PARD3: variants seen among roughly 807,000 people sequenced by gnomAD.
PARD3 encodes partitioning defective 3 homolog.
In PARD3, 75 loss-of-function variants were observed where a neutral mutation model predicts 155.4. That is an observed-to-expected ratio of 0.48 (90% CI 0.40 to 0.58). The LOEUF is 0.58. Ranked by LOEUF, PARD3 falls within the 20% of genes least tolerant of loss-of-function variation. PARD3 has a pLI of 0.00. For missense variants in PARD3, 1,642 were observed against 1,721.7 expected (o/e 0.95, Z 0.82); for synonymous variants, 576 against 610.5 (o/e 0.94, Z 0.83).
chr10:34,814,834 CCCG>C, intron 1 of PARD3, 39 bp downstream of exon 1: 1 of 1,178,868 alleles, frequency 8.5e-7, no homozygotes, highest in South Asian at 1.4e-5. Context: ...CGGCGCCGTC[CCCG>C]CCGCCGCCCC....
intron 1 of PARD3, among the ~76,000 whole-genome samples, chr10:34,749,473 T>C (rs1390350016): frequency 1.3e-5 from 2 of 151,064 alleles, no homozygotes; most frequent in Admixed American, 1.3e-4. Context: ...AAAAAATATA[T>C]AATAAAATAA....
chr10:34,542,234 T>TGCGTGCAC (rs1554889664), intron 2 of PARD3, among the ~76,000 whole-genome samples: 1 of 146,198 alleles, frequency 6.8e-6, no homozygotes, highest in Non-Finnish European at 1.5e-5. Context: ...TGTGTGTGTG[T>TGCGTGCAC]GTGTGCACAC....
chr10:34,666,396 G>A (rs1452971022), intron 2 of PARD3, among the ~76,000 whole-genome samples: 1 of 152,062 alleles, frequency 6.6e-6, no homozygotes, highest in African/African-American at 2.4e-5. Flanking sequence ...GAATAAAAAT[G>A]TCTGAGAATC....
intron 22 of PARD3, among the ~76,000 whole-genome samples, chr10:34,178,925 A>C (rs1950148411): frequency 6.6e-6 from 1 of 152,180 alleles, no homozygotes; most frequent in Non-Finnish European, 1.5e-5. Context: ...ACAGGAAACA[A>C]GAATTAGTGT....
At chr10:34,169,549 C>T (rs1949690317) in intron 22 of PARD3, among the ~76,000 whole-genome samples, 1 of 152,068 alleles carries the variant, frequency 6.6e-6, no homozygotes, top group Non-Finnish European at 1.5e-5. Flanking sequence ...CTCCTCACTA[C>T]TAGGGACCAA....
At chr10:34,191,489 G>A (rs1950704390) in intron 22 of PARD3, among the ~76,000 whole-genome samples, 1 of 152,130 alleles carries the variant, frequency 6.6e-6, no homozygotes. Context: ...AGTCCCATAG[G>A]AGAAAAATCT....
chr10:34,701,712 T>C (rs1298965984), intron 1 of PARD3, among the ~76,000 whole-genome samples: 2 of 152,012 alleles, frequency 1.3e-5, no homozygotes, highest in Non-Finnish European at 2.9e-5. Flanking sequence ...CTGGGGAACG[T>C]AGTGAGGCCC....
chr10:34,759,031 CT>C (rs1260061552), intron 1 of PARD3, among the ~76,000 whole-genome samples: 2 of 151,730 alleles, frequency 1.3e-5, no homozygotes, highest in African/African-American at 4.8e-5. Context: ...ATCATAGGCA[CT>C]GAAGATAAAT....
At chr10:34,619,207 C>T (rs1045578982) in intron 2 of PARD3, among the ~76,000 whole-genome samples, 4 of 152,154 alleles carry the variant, frequency 2.6e-5, no homozygotes, top group South Asian at 4.2e-4. Flanking sequence ...TGCACCACCA[C>T]GCCTGGCTAA....
intron 2 of PARD3, among the ~76,000 whole-genome samples, chr10:34,606,635 C>G (rs1216730337): frequency 1.8e-5 from 1 of 56,278 alleles, no homozygotes; most frequent in African/African-American, 8.0e-5. Context: ...ACCCCCGTGT[C>G]TTCAAAAAAA....
At chr10:34,420,758 T>C (rs1846107884) in intron 5 of PARD3, among the ~76,000 whole-genome samples, 1 of 152,222 alleles carries the variant, frequency 6.6e-6, no homozygotes, top group Non-Finnish European at 1.5e-5. Context: ...ACTGTGTATT[T>C]ATAACAAATA....
chr10:34,592,316 A>G (rs750187249), intron 2 of PARD3, among the ~76,000 whole-genome samples: 4 of 152,112 alleles, frequency 2.6e-5, no homozygotes, highest in Admixed American at 6.5e-5. Flanking sequence ...TGGGACACTA[A>G]TTTTTTTCCT....
At chr10:34,442,792 G>A (rs2076534680) in intron 5 of PARD3, among the ~76,000 whole-genome samples, 1 of 152,198 alleles carries the variant, frequency 6.6e-6, no homozygotes, top group Non-Finnish European at 1.5e-5. Context: ...GATTGCTTGA[G>A]CACAGAAGTT....
chr10:34,677,597 T>C (rs537055991), intron 2 of PARD3, among the ~76,000 whole-genome samples: 2 of 152,228 alleles, frequency 1.3e-5, no homozygotes, highest in African/African-American at 4.8e-5. Flanking sequence ...TTAAGAGATA[T>C]TCCCAAAACA....
chr10:34,655,048 CT>C (rs200446144), intron 2 of PARD3, among the ~76,000 whole-genome samples: 1,739 of 151,816 alleles, frequency 0.011, 36 homozygotes, highest in African/African-American at 0.04. Flanking sequence ...ACGTCAACAA[CT>C]TTTACAGTAA....
chr10:34,411,485 C>T (rs57446659), intron 5 of PARD3, among the ~76,000 whole-genome samples: 1 of 127,232 alleles, frequency 7.9e-6, no homozygotes, highest in African/African-American at 4.0e-5. Context: ...AACAAAAAGG[C>T]TGAGGAAGAG....
chr10:34,424,962 C>T (rs1348662303), intron 5 of PARD3, among the ~76,000 whole-genome samples: 1 of 152,122 alleles, frequency 6.6e-6, no homozygotes, highest in Non-Finnish European at 1.5e-5. Flanking sequence ...CATTTTATAC[C>T]TCCCATTTTC....
chr10:34,356,462 C>T (rs1029131781), intron 14 of PARD3, among the ~76,000 whole-genome samples: 3 of 152,166 alleles, frequency 2.0e-5, no homozygotes, highest in Admixed American at 1.3e-4. Context: ...AAAAGATTTT[C>T]TTTTACACAT....
chr10:34,686,553 T>C (rs926272716), intron 2 of PARD3, among the ~76,000 whole-genome samples: 5 of 151,074 alleles, frequency 3.3e-5, no homozygotes, highest in African/African-American at 1.2e-4. Flanking sequence ...CTGGTCAACA[T>C]GGTAAAACCC....
Sources: allele counts gnomAD v4.1 joint callset (sites outside exome capture counted in the v4.1 genomes callset), GRCh38; gene constraint gnomAD v4.1.1; transcripts MANE v1.5; gene names NCBI Gene and HGNC (gene_info 2026-07-23, HGNC 2026-07-21).